Variants in ENPP2 observed in about 807,000 individuals in gnomAD.
ENPP2 encodes ectonucleotide pyrophosphatase/phosphodiesterase 2.
In ENPP2, 51 loss-of-function variants were observed where a neutral mutation model predicts 120.2. That is an observed-to-expected ratio of 0.42 (90% CI 0.34 to 0.54). ENPP2 has a LOEUF of 0.54. ENPP2 is among the 20% of genes least tolerant of loss of function. The pLI is 0.04. For missense variants in ENPP2, 920 were observed against 1,066.5 expected (o/e 0.86, Z 1.91); for synonymous variants, 365 against 366.4 (o/e 1.00, Z 0.04).
At chr8:119,561,230 T>C (rs574551158) in intron 24 of ENPP2, among the ~76,000 whole-genome samples, 8 of 152,316 alleles carry the variant, frequency 5.3e-5, no homozygotes, top group Admixed American at 5.2e-4. Flanking sequence ...TCAAAAACTA[T>C]CTTGCCCACA....
Position 119,659,320 on chromosome 8 carries a change from T to TAAAAAAAAAAAAAAAAAAAA in ENPP2, c.21+13931_21+13932insTTTTTTTTTTTTTTTTTTTT, listed in dbSNP as rs750701293. Among the ~76,000 whole-genome samples the TAAAAAAAAAAAAAAAAAAAA allele has an allele frequency of 1.8e-4, 12 of 64,892 alleles. 1 individual carries two copies. The highest frequency in any genetic ancestry group is 3.5e-4 in the Non-Finnish European group (10 of 28,634). 42.6% of individuals were successfully genotyped at this position (64,892 alleles called of 152,430 possible). ...CTACAGGACAAGACTCTGTCTCAATTAAAAAAAAAAAAAAAAACCAGAGTT... is the reference window on the plus strand; with the variant it reads ...CTACAGGACAAGACTCTGTCTCAATTAAAAAAAAAAAAAAAAAAAAAAAAAAAAAAAAAAAAACCAGAGTT... On this transcript the variant is annotated intron_variant, in intron 1 of 25. Transcript: ENST00000427067.
Position 119,568,269 on chromosome 8 carries a change from C to CA in ENPP2, c.2054-18dup. On this transcript the variant is annotated splice_polypyrimidine_tract_variant and intron_variant, in intron 21 of 24. Transcript: ENST00000075322. ...AGCTCAGATCTAAACATTAGGAAAA[C>CA]AAATAGTATACGTTGCTTACCAAAA... 7.4e-7 allele frequency: 1 copy of CA among 1,345,140 alleles called. No homozygotes were observed. The highest frequency in any genetic ancestry group is 1.2e-5 in the South Asian group (1 of 82,962). 83.3% of individuals were successfully genotyped at this position (1,345,140 alleles called of 1,614,324 possible). A position where few individuals can be genotyped will look rare whatever the true frequency, so the allele number is the denominator to read the frequency against.
At chr8:119,567,640 G>C (rs16892776) in intron 22 of ENPP2, among the ~76,000 whole-genome samples, 1 of 152,132 alleles carries the variant, frequency 6.6e-6, no homozygotes, top group Non-Finnish European at 1.5e-5. Flanking sequence ...GATTCAGAAG[G>C]TCCTTTCGGC....
intron 1 of ENPP2, among the ~76,000 whole-genome samples, chr8:119,664,069 A>G (rs1280920107): frequency 2.0e-5 from 3 of 152,224 alleles, no homozygotes; most frequent in Non-Finnish European, 4.4e-5. Context: ...ATATTTGATA[A>G]TGATGACGGA....
intron 3 of ENPP2, among the ~76,000 whole-genome samples, chr8:119,622,069 C>A (rs979439604): frequency 5.3e-5 from 8 of 152,142 alleles, no homozygotes; most frequent in Non-Finnish European, 1.0e-4. Flanking sequence ...GCTGGGATTA[C>A]AAACATATGC....
intron 19 of ENPP2, among the ~76,000 whole-genome samples, chr8:119,578,742 A>C (rs774765035): frequency 4.1e-4 from 63 of 152,218 alleles, no homozygotes; most frequent in Non-Finnish European, 2.5e-4. Flanking sequence ...GCCTTCTACC[A>C]ACAATGGCCT....
rs577413447 is a variant in ENPP2 at position 119,584,143 on chromosome 8, G to C, written c.1368-94C>G. The C allele has an allele frequency of 9.4e-5, 76 of 809,814 alleles. 1 individual carries two copies. In the South Asian group the frequency reaches 1.1e-3, roughly 12 times the overall value. 50.2% of individuals were successfully genotyped at this position (809,814 alleles called of 1,614,324 possible). A position where few individuals can be genotyped will look rare whatever the true frequency, so the allele number is the denominator to read the frequency against. ...AGGGTACAAAGAATATCTAAGAAGG[G>C]GCTTTTGAAAGTTTGCCTCTATTTT... On this transcript the variant is annotated intron_variant, in intron 15 of 24. Transcript: ENST00000075322.
chr8:119,578,774 C>A (rs1354316852), intron 19 of ENPP2, among the ~76,000 whole-genome samples: 1 of 152,142 alleles, frequency 6.6e-6, no homozygotes, highest in Non-Finnish European at 1.5e-5. Flanking sequence ...GAGATTCATT[C>A]CGTTCTGTGC....
intron 1 of ENPP2, among the ~76,000 whole-genome samples, chr8:119,661,506 C>G (rs1441597740): frequency 6.6e-6 from 1 of 152,066 alleles, no homozygotes. Flanking sequence ...AAAACAACAA[C>G]AAAGAAAGAC....
At chr8:119,573,422 A>AAAAAAAAAAAAAAAAAAAAAAAAAAAAAC (rs1815198757) in intron 19 of ENPP2, among the ~76,000 whole-genome samples, 1 of 151,094 alleles carries the variant, frequency 6.6e-6, no homozygotes, top group African/African-American at 2.4e-5. Context: ...AAAAAAAAAA[A>AAAAAAAAAAAAAAAAAAAAAAAAAAAAAC]AAAAGATTCA....
intron 3 of ENPP2, among the ~76,000 whole-genome samples, chr8:119,623,489 T>G (rs940833425): frequency 3.3e-5 from 5 of 151,932 alleles, no homozygotes; most frequent in African/African-American, 9.7e-5. Flanking sequence ...GAGAGAGAGA[T>G]ATTAGTTGTT....
intron 2 of ENPP2, among the ~76,000 whole-genome samples, chr8:119,629,020 C>G (rs1405089361): frequency 2.0e-5 from 3 of 152,122 alleles, no homozygotes; most frequent in African/African-American, 7.2e-5. Flanking sequence ...CTTTCCTTCT[C>G]TCTCATTATA....
intron 1 of ENPP2, among the ~76,000 whole-genome samples, chr8:119,653,937 A>G (rs1165362121): frequency 2.0e-5 from 3 of 148,288 alleles, no homozygotes; most frequent in Non-Finnish European, 4.5e-5. Flanking sequence ...TATATTTTTT[A>G]TCTCTATATA....
Position 119,617,482 on chromosome 8 carries a change from A to T in ENPP2, c.561T>A (p.Pro187=). 1.2e-6 allele frequency: 2 copies of T among 1,609,106 alleles called. No individual in the cohort carries two copies. Among genetic ancestry groups the T allele is most frequent in the Non-Finnish European group, 1.7e-6 (2 of 1,175,808 alleles). ...SYMKKGSKVM[P]NIEKLRSCGT... ...ATTACTTACTTAGTTTTTCAATATT[A>T]GGCATGACTTTGCTGCCTTTCTTCA... Residue 187 remains proline, a synonymous_variant, in exon 6 of 25, where the codon CCT becomes CCA. Transcript: ENST00000075322.
intron 2 of ENPP2, among the ~76,000 whole-genome samples, chr8:119,627,732 G>T (rs559835648): frequency 6.6e-6 from 1 of 151,996 alleles, no homozygotes; most frequent in Non-Finnish European, 1.5e-5. Context: ...CGTGGTGGCA[G>T]GTGCCTGTAA....
intron 1 of ENPP2, among the ~76,000 whole-genome samples, chr8:119,661,360 T>C (rs1426292780): frequency 6.6e-6 from 1 of 152,124 alleles, no homozygotes; most frequent in Non-Finnish European, 1.5e-5. Context: ...AGAACCTGAA[T>C]AGACATTTCT....
At chr8:119,609,584 G>A (rs990966342) in intron 8 of ENPP2, among the ~76,000 whole-genome samples, 1 of 152,142 alleles carries the variant, frequency 6.6e-6, no homozygotes, top group African/African-American at 2.4e-5. Flanking sequence ...ATGTGTCCTG[G>A]ACTTTCATTC....
chr8:119,590,580 T>C lies in ENPP2; in HGVS notation c.1132A>G (p.Thr378Ala). ...DRTEFLSNYL[T>A]NVDDITLVPG... ...ACTAAAGTAATATCATCCACATTAGTTAGGTAATTACTCAAGAACTCAGTT... is the reference window on the plus strand; with the variant it reads ...ACTAAAGTAATATCATCCACATTAGCTAGGTAATTACTCAAGAACTCAGTT... Residue 378 changes from threonine to alanine, a missense_variant, in exon 13 of 25, where the codon ACT becomes GCT. Thr to Ala is a moderately conservative substitution (Grantham distance 58, BLOSUM62 0). Transcript: ENST00000075322. The C allele has an allele frequency of 6.3e-7, 1 of 1,593,794 alleles. No homozygotes were observed. Among genetic ancestry groups the C allele is most frequent in the Non-Finnish European group, 8.6e-7 (1 of 1,167,580 alleles).
In ENPP2 at chr8:119,575,091, T is replaced by C. The variant is rs138846639; in HGVS notation, c.1781-4250A>G. The stretch of plus-strand genomic sequence containing the variant: ...CACTTGTTGGTAAGTTAATGATACA[T>C]ATTTTTTTTAAATCTTGGCTTTCTA... On this transcript the variant is annotated intron_variant, in intron 19 of 24. Coordinates refer to ENST00000075322, the MANE Select transcript of ENPP2 (RefSeq NM_001040092.3). Among the ~76,000 whole-genome samples the C allele has an allele frequency of 5.4e-3, 820 of 152,348 alleles. 10 individuals are homozygous for C. The highest frequency in any genetic ancestry group is 0.018 in the African/African-American group (764 of 41,582).
Sources: gnomAD v4.1 joint callset for allele counts (sites outside exome capture counted in the v4.1 genomes callset) on GRCh38, gnomAD v4.1.1 for gene constraint, MANE v1.5 for transcripts, NCBI Gene and HGNC (gene_info 2026-07-23, HGNC 2026-07-21) for gene names.